TRHDE: variants seen among roughly 807,000 people sequenced by gnomAD.
TRHDE encodes the protein thyrotropin-releasing hormone-degrading ectoenzyme.
In TRHDE, 72 loss-of-function variants were observed where a neutral mutation model predicts 125.7. The ratio of observed to expected loss-of-function variants is 0.57; its 90% CI spans 0.47 to 0.70. The LOEUF (loss-of-function observed/expected upper bound fraction) is 0.70. Ranked by LOEUF, TRHDE falls within the 30% of genes least tolerant of loss-of-function variation. The pLI, the probability that TRHDE is intolerant of heterozygous loss-of-function variation, is 0.00. For synonymous variants in TRHDE, 509 were observed against 509.1 expected (o/e 1.00, Z 0.00); for missense variants, 1,110 against 1,327.1 (o/e 0.84, Z 2.54).
intron 2 of TRHDE, among the ~76,000 whole-genome samples, chr12:72,332,244 T>TTC (rs1869634318): frequency 6.6e-6 from 1 of 152,144 alleles, no homozygotes; most frequent in African/African-American, 2.4e-5. Context: ...GTTCACGCCA[T>TTC]TCTCCAGCCT....
chr12:72,489,164 A>G (rs1447360603), intron 5 of TRHDE, among the ~76,000 whole-genome samples: 1 of 151,700 alleles, frequency 6.6e-6, no homozygotes, highest in East Asian at 1.9e-4. Flanking sequence ...GCAGAAATAA[A>G]TCAAATACAG....
chr12:72,367,108 A>T (rs898028909), intron 2 of TRHDE, among the ~76,000 whole-genome samples: 1 of 152,020 alleles, frequency 6.6e-6, no homozygotes, highest in South Asian at 2.1e-4. Context: ...TCCATCACCA[A>T]TTGTAAATTC....
At chr12:72,304,754 T>G (rs896996988) in intron 2 of TRHDE, among the ~76,000 whole-genome samples, 20 of 152,186 alleles carry the variant, frequency 1.3e-4, no homozygotes, top group Non-Finnish European at 2.8e-4. Flanking sequence ...TGATTCCCAC[T>G]ATCACCATGC....
At chr12:72,576,203 T>C (rs1870987126) in intron 12 of TRHDE, among the ~76,000 whole-genome samples, 1 of 152,148 alleles carries the variant, frequency 6.6e-6, no homozygotes, top group African/African-American at 2.4e-5. Flanking sequence ...TTTCATACTG[T>C]TTCACAGCCA....
At chr12:72,646,087 A>G (rs543615606) in intron 15 of TRHDE, among the ~76,000 whole-genome samples, 95 of 152,236 alleles carry the variant, frequency 6.2e-4, no homozygotes, top group African/African-American at 2.2e-3. Flanking sequence ...TATTACTGTA[A>G]TGGTGGTGGG....
chr12:72,379,732 G>A lies in TRHDE; in HGVS notation c.1315+1611G>A, dbSNP rs557417804. ...GTTTCACTCACAATTGAACCACGCAGCCTTTCATCTGTAGAAAAGAGCTTT... is the reference window on the plus strand; with the variant it reads ...GTTTCACTCACAATTGAACCACGCAACCTTTCATCTGTAGAAAAGAGCTTT... On this transcript the variant is annotated intron_variant, in intron 3 of 18. Transcript: ENST00000261180. Among the ~76,000 whole-genome samples, 4 of 152,262 alleles carry A rather than the reference G, an allele frequency of 2.6e-5. No individual in the cohort carries two copies. In the South Asian group the frequency reaches 6.2e-4, roughly 24 times the overall value.
chr12:72,399,824 T>G (rs1000139113), intron 3 of TRHDE, among the ~76,000 whole-genome samples: 2 of 152,182 alleles, frequency 1.3e-5, no homozygotes, highest in Admixed American at 6.5e-5. Context: ...AGAGTAAACT[T>G]TCAATGATAA....
intron 15 of TRHDE, among the ~76,000 whole-genome samples, chr12:72,650,407 TA>T (rs1424477677): frequency 6.6e-6 from 1 of 152,160 alleles, no homozygotes; most frequent in African/African-American, 2.4e-5. Flanking sequence ...GGCACCAGTA[TA>T]GTATGTGGCA....
intron 2 of TRHDE, chr12:72,309,812 T>A (rs1038569752): frequency 6.6e-6 from 1 of 152,180 alleles, no homozygotes; most frequent in Non-Finnish European, 1.5e-5. Flanking sequence ...TGAATGCTTG[T>A]AATAGAATGG....
intron 1 of TRHDE, among the ~76,000 whole-genome samples, chr12:72,100,835 G>A (rs1002167828): frequency 2.0e-5 from 3 of 152,176 alleles, no homozygotes; most frequent in African/African-American, 7.2e-5. Context: ...TATATGACAG[G>A]GTTATGTCAA....
intron 15 of TRHDE, among the ~76,000 whole-genome samples, chr12:72,648,297 C>T (rs910032445): frequency 1.3e-4 from 20 of 152,056 alleles, no homozygotes; most frequent in Non-Finnish European, 2.1e-4. Flanking sequence ...ACATTATACT[C>T]AATGGTGAAA....
chr12:72,089,267 T>C (rs569194604), intron 1 of TRHDE, among the ~76,000 whole-genome samples: 1 of 152,326 alleles, frequency 6.6e-6, no homozygotes, highest in East Asian at 1.9e-4. Flanking sequence ...CCTCTCCAGT[T>C]TTTTTCTTCT....
intron 3 of TRHDE, among the ~76,000 whole-genome samples, chr12:72,387,001 A>G (rs896086412): frequency 5.3e-5 from 8 of 151,980 alleles, no homozygotes; most frequent in Non-Finnish European, 8.8e-5. Flanking sequence ...TCTCTTTGCT[A>G]TTTACATTGG....
intron 2 of TRHDE, among the ~76,000 whole-genome samples, chr12:72,358,563 T>C (rs1870926126): frequency 6.6e-6 from 1 of 151,564 alleles, no homozygotes; most frequent in Non-Finnish European, 1.5e-5. Context: ...AAGTTCTACA[T>C]GGGTTTTCTA....
At chr12:72,472,474 A>AG (rs1315876961) in intron 4 of TRHDE, among the ~76,000 whole-genome samples, 1 of 152,188 alleles carries the variant, frequency 6.6e-6, no homozygotes, top group African/African-American at 2.4e-5. Context: ...AGAATCATGG[A>AG]GAGTCAAGGG....
chr12:72,522,279 A>C (rs1055938354), intron 6 of TRHDE, among the ~76,000 whole-genome samples: 1 of 152,144 alleles, frequency 6.6e-6, no homozygotes, highest in Non-Finnish European at 1.5e-5. Flanking sequence ...ATGAAGAGAC[A>C]CTCATTTCTT....
intron 12 of TRHDE, among the ~76,000 whole-genome samples, chr12:72,578,167 G>A (rs1205359280): frequency 6.6e-6 from 1 of 152,134 alleles, no homozygotes; most frequent in Admixed American, 6.5e-5. Flanking sequence ...TTATGCTCCA[G>A]GTACTGTTCT....
At chr12:72,392,449 A>C (rs1021683283) in intron 3 of TRHDE, among the ~76,000 whole-genome samples, 1 of 152,210 alleles carries the variant, frequency 6.6e-6, no homozygotes, top group Non-Finnish European at 1.5e-5. Flanking sequence ...CTTCTGATTT[A>C]TAGTGAAAAA....
chr12:72,628,664 T>C (rs902805154), intron 15 of TRHDE, among the ~76,000 whole-genome samples: 2 of 151,902 alleles, frequency 1.3e-5, no homozygotes, highest in African/African-American at 4.8e-5. Context: ...TTGGAAAAGC[T>C]ATATAGAAGA....
Sources: gnomAD v4.1 joint callset for allele counts (sites outside exome capture counted in the v4.1 genomes callset) on GRCh38, gnomAD v4.1.1 for gene constraint, MANE v1.5 for transcripts, NCBI Gene and HGNC (gene_info 2026-07-23, HGNC 2026-07-21) for gene names.